DAB1: variants seen among roughly 807,000 people sequenced by gnomAD.
DAB1 encodes DAB adaptor protein 1.
A neutral mutation model predicts 64.6 loss-of-function variants in DAB1; 15 were observed. The observed-to-expected ratio is 0.23, with a 90% CI of 0.16 to 0.36. The LOEUF (loss-of-function observed/expected upper bound fraction) is 0.36. Among genes scored for constraint, DAB1 ranks in the 10% least tolerant of loss-of-function variants. The pLI, the probability that DAB1 is intolerant of heterozygous loss-of-function variation, is 1.00. For synonymous variants in DAB1, 235 were observed against 251.9 expected (o/e 0.93, Z 0.64); for missense variants, 596 against 706.7 (o/e 0.84, Z 1.78).
chr1:57,560,854 T>G (rs1645042395), intron 7 of DAB1, among the ~76,000 whole-genome samples: 1 of 152,208 alleles, frequency 6.6e-6, no homozygotes, highest in African/African-American at 2.4e-5. Flanking sequence ...TTCAGATAAC[T>G]ACTCTCCTTT....
chr1:57,735,618 T>G (rs1303144264), intron 6 of DAB1, among the ~76,000 whole-genome samples: 2 of 134,022 alleles, frequency 1.5e-5, no homozygotes, highest in East Asian at 2.1e-4. Flanking sequence ...TGTTTTTTTT[T>G]TTTTTTTTTT....
intron 7 of DAB1, among the ~76,000 whole-genome samples, chr1:57,534,125 G>C (rs2101426117): frequency 6.6e-6 from 1 of 152,176 alleles, no homozygotes; most frequent in South Asian, 2.1e-4. Context: ...GTCCAGATTT[G>C]GGTAATATAA....
At chr1:57,302,893 G>T (rs530913943) in intron 1 of DAB1, among the ~76,000 whole-genome samples, 1 of 152,282 alleles carries the variant, frequency 6.6e-6, no homozygotes, top group Admixed American at 6.5e-5. Context: ...GGTTGGGCAC[G>T]CTATTTAACT....
At chr1:57,423,560 T>A (rs1685097936) in intron 1 of DAB1, among the ~76,000 whole-genome samples, 1 of 151,358 alleles carries the variant, frequency 6.6e-6, no homozygotes. Flanking sequence ...CGAGGTCCGA[T>A]ATAGCCAGGA....
At chr1:57,841,356 C>A (rs1653038768) in intron 1 of DAB1, among the ~76,000 whole-genome samples, 1 of 152,158 alleles carries the variant, frequency 6.6e-6, no homozygotes, top group African/African-American at 2.4e-5. Flanking sequence ...GGTGGATCTA[C>A]CAGTCTGGGG....
intron 4 of DAB1, among the ~76,000 whole-genome samples, chr1:58,306,538 T>C (rs772309630): frequency 2.6e-4 from 40 of 152,184 alleles, no homozygotes; most frequent in Admixed American, 1.2e-3. Context: ...TAGCTTCCCA[T>C]CTCAAGTCTT....
At chr1:57,090,958 C>T (rs932377208) in intron 4 of DAB1, among the ~76,000 whole-genome samples, 31 of 152,104 alleles carry the variant, frequency 2.0e-4, no homozygotes, top group African/African-American at 5.6e-4. Flanking sequence ...ACACTCCTTA[C>T]GAGAATCTAA....
At chr1:57,808,622 C>T (rs1296714834) in intron 6 of DAB1, among the ~76,000 whole-genome samples, 1 of 152,074 alleles carries the variant, frequency 6.6e-6, no homozygotes, top group Non-Finnish European at 1.5e-5. Flanking sequence ...AAACTAAGTA[C>T]CAAATGTTCA....
chr1:58,142,243 C>A (rs1406563609), intron 5 of DAB1, among the ~76,000 whole-genome samples: 13 of 152,174 alleles, frequency 8.5e-5, no homozygotes, highest in Admixed American at 5.2e-4. Context: ...CACTCGGCTG[C>A]CTTGGTCTCT....
At chr1:58,229,998 T>C (rs1261217809) in intron 4 of DAB1, among the ~76,000 whole-genome samples, 1 of 152,168 alleles carries the variant, frequency 6.6e-6, no homozygotes, top group Non-Finnish European at 1.5e-5. Context: ...CAGTATGCCA[T>C]GCAGACTGTG....
At chr1:57,527,065 G>C (rs1398417323) in intron 7 of DAB1, among the ~76,000 whole-genome samples, 1 of 152,112 alleles carries the variant, frequency 6.6e-6, no homozygotes, top group African/African-American at 2.4e-5. Flanking sequence ...TCTCTCTCCT[G>C]TGTTCCAATC....
At chr1:58,420,204 A>C (rs1644758970) in intron 3 of DAB1, among the ~76,000 whole-genome samples, 1 of 152,222 alleles carries the variant, frequency 6.6e-6, no homozygotes, top group South Asian at 2.1e-4. Context: ...CACAGAAAAG[A>C]ATTTCACAGC....
chr1:58,137,199 AATCTT>A (rs375006317), intron 5 of DAB1, among the ~76,000 whole-genome samples: 20 of 152,358 alleles, frequency 1.3e-4, no homozygotes, highest in African/African-American at 4.8e-4. Flanking sequence ...ACAAGACTAA[AATCTT>A]ATAGGATGTC....
chr1:57,974,426 G>T (rs1645870700), intron 5 of DAB1, among the ~76,000 whole-genome samples: 1 of 152,052 alleles, frequency 6.6e-6, no homozygotes, highest in African/African-American at 2.4e-5. Flanking sequence ...AACAGCACCA[G>T]CATATGATGG....
chr1:57,682,794 T>G (rs1463334656), intron 6 of DAB1, among the ~76,000 whole-genome samples: 2 of 152,108 alleles, frequency 1.3e-5, no homozygotes, highest in East Asian at 3.9e-4. Context: ...CCCCAGGACT[T>G]CCCATATCCC....
At chr1:57,182,839 C>A (rs1001116961) in intron 2 of DAB1, among the ~76,000 whole-genome samples, 1 of 152,036 alleles carries the variant, frequency 6.6e-6, no homozygotes, top group Non-Finnish European at 1.5e-5. Context: ...ATAGTATATC[C>A]AGAGTCCAGG....
chr1:57,539,007 T>G (rs1415562991), intron 7 of DAB1, among the ~76,000 whole-genome samples: 2 of 152,230 alleles, frequency 1.3e-5, no homozygotes, highest in African/African-American at 4.8e-5. Context: ...TCAATTGTGA[T>G]GCCTTCCTTC....
intron 4 of DAB1, among the ~76,000 whole-genome samples, chr1:58,183,993 T>C (rs1000856691): frequency 7.2e-5 from 11 of 152,190 alleles, no homozygotes; most frequent in African/African-American, 2.4e-4. Flanking sequence ...ACAACGCCCC[T>C]GGACATGCAC....
chr1:58,285,105 T>A (rs185946556), intron 4 of DAB1, among the ~76,000 whole-genome samples: 101 of 152,270 alleles, frequency 6.6e-4, no homozygotes, highest in Non-Finnish European at 1.0e-3. Flanking sequence ...AAATTCAACA[T>A]CCTTCATGTT....
Sources: gnomAD v4.1 joint callset for allele counts (sites outside exome capture counted in the v4.1 genomes callset) on GRCh38, gnomAD v4.1.1 for gene constraint, MANE v1.5 for transcripts, NCBI Gene and HGNC (gene_info 2026-07-23, HGNC 2026-07-21) for gene names.